The following DENND2B variants were observed in gnomAD, a reference collection of about 807,000 sequenced individuals.
The protein encoded by DENND2B is DENN domain containing 2B.
Under a neutral mutation model 116.0 loss-of-function variants are expected in DENND2B, and 32 were observed. The ratio of observed to expected loss-of-function variants is 0.28; its 90% CI spans 0.21 to 0.37. The LOEUF is 0.37. Among genes scored for constraint, DENND2B ranks in the 10% least tolerant of loss-of-function variants. DENND2B has a pLI of 1.00. For synonymous variants in DENND2B, 588 were observed against 583.9 expected (o/e 1.01, Z -0.10); for missense variants, 1,276 against 1,477.7 (o/e 0.86, Z 2.24).
At chr11:8,793,822 A>G (rs1012767220) in intron 1 of DENND2B, among the ~76,000 whole-genome samples, 3 of 152,148 alleles carry the variant, frequency 2.0e-5, no homozygotes, top group African/African-American at 7.2e-5. Context: ...TCCCACTAAC[A>G]ATGTATGAGG....
chr11:8,779,833 G>A lies in DENND2B; in HGVS notation c.-25-29108C>T, dbSNP rs540866732. ...CCCGGCCAAGGTTTCCATTTTCTGT[G>A]CTACTCCAAAATCCTCTCCCTTGCA... On this transcript the variant is annotated intron_variant, in intron 1 of 19. Coordinates refer to ENST00000313726, the MANE Select transcript of DENND2B (RefSeq NM_213618.2). Among the ~76,000 whole-genome samples the A allele has an allele frequency of 6.6e-5, 10 of 152,198 alleles. No homozygotes were observed. In the South Asian group the frequency reaches 1.9e-3, roughly 28 times the overall value.
At chr11:8,718,184 A>G in intron 4 of DENND2B, 2 of 624,322 alleles carry the variant, frequency 3.2e-6, no homozygotes, top group South Asian at 1.5e-5. Context: ...AGACTGGCTC[A>G]GCCACCCCTG....
intron 2 of DENND2B, among the ~76,000 whole-genome samples, chr11:8,861,361 G>C (rs561056523): frequency 6.6e-6 from 1 of 151,882 alleles, no homozygotes; most frequent in African/African-American, 2.4e-5. Flanking sequence ...ATCAAAAACC[G>C]AGCAAATGAT....
intron 1 of DENND2B, among the ~76,000 whole-genome samples, chr11:8,789,056 G>T (rs192677951): frequency 6.6e-6 from 1 of 152,248 alleles, no homozygotes; most frequent in East Asian, 1.9e-4. Flanking sequence ...CCTAAAAATT[G>T]CTAGTCAGAT....
chr11:8,871,770 G>A (rs565040071), upstream of DENND2B, among the ~76,000 whole-genome samples: 9 of 152,266 alleles, frequency 5.9e-5, no homozygotes, highest in African/African-American at 1.9e-4. Flanking sequence ...AGAAAAGGGT[G>A]CCATTTAATA....
chr11:8,877,784 G>A (rs74673822), intron 2 of DENND2B, among the ~76,000 whole-genome samples: 2,215 of 152,138 alleles, frequency 0.015, 55 homozygotes, highest in African/African-American at 0.051. Flanking sequence ...AAAAAATCAC[G>A]ATTGTATCTG....
intron 1 of DENND2B, among the ~76,000 whole-genome samples, chr11:8,803,833 A>G (rs997309143): frequency 1.3e-5 from 2 of 152,220 alleles, no homozygotes; most frequent in African/African-American, 4.8e-5. Flanking sequence ...TGCAAAGCCT[A>G]TTCTATGCTC....
chr11:8,832,339 C>G (rs372513387), intron 4 of DENND2B, among the ~76,000 whole-genome samples: 3 of 151,818 alleles, frequency 2.0e-5, no homozygotes, highest in East Asian at 3.9e-4. Context: ...GTAGTCCCAG[C>G]TACTCGGGAG....
At chr11:8,803,255 C>A (rs1340449044) in intron 1 of DENND2B, among the ~76,000 whole-genome samples, 1 of 152,054 alleles carries the variant, frequency 6.6e-6, no homozygotes, top group Admixed American at 6.6e-5. Context: ...TGTGGTGGCG[C>A]ACATCTGTAA....
chr11:8,775,288 T>C (rs1202938750), intron 1 of DENND2B, among the ~76,000 whole-genome samples: 1 of 151,910 alleles, frequency 6.6e-6, no homozygotes, highest in African/African-American at 2.4e-5. Flanking sequence ...CTCACAAGAA[T>C]GTCAAATACT....
chr11:8,839,496 G>A (rs1252246821), intron 3 of DENND2B: 6 of 152,302 alleles, frequency 3.9e-5, no homozygotes, highest in African/African-American at 1.2e-4. Flanking sequence ...AGAAAGGTGG[G>A]CGGGGAGTTC....
chr11:8,904,317 A>G (rs964706672), intron 1 of DENND2B, among the ~76,000 whole-genome samples: 4 of 152,216 alleles, frequency 2.6e-5, no homozygotes, highest in African/African-American at 9.6e-5. Flanking sequence ...CGTCTGAAAA[A>G]CTTCAAAAAT....
rs777880577 is a variant in DENND2B at position 8,838,130 on chromosome 11, T to C, written c.-115+1180A>G. ...AAAGTGACTACATATATTACTTTTA[T>C]CTGTTTGGAGTCATCTGAGTTCCCT... On this transcript the variant is annotated intron_variant, in intron 4 of 6. Coordinates refer to the DENND2B transcript ENST00000524757. Among the ~76,000 whole-genome samples, 40 of 152,352 alleles carry C rather than the reference T, an allele frequency of 2.6e-4. 1 individual carries two copies. Among genetic ancestry groups the C allele is most frequent in the Middle Eastern group, 3.4e-3 (1 of 294 alleles).
intron 4 of DENND2B, chr11:8,832,610 T>G (rs1000088590): frequency 6.6e-6 from 1 of 152,316 alleles, no homozygotes; most frequent in Non-Finnish European, 1.5e-5. Flanking sequence ...CACAGAGGCA[T>G]GAGGCAGCCA....
In DENND2B at chr11:8,862,757, G is replaced by C. The variant is rs2742546; in HGVS notation, c.-249-5321C>G. Among the ~76,000 whole-genome samples the C allele has an allele frequency of 1.4e-3, 217 of 152,182 alleles. 1 individual carries two copies. The highest frequency in any genetic ancestry group is 4.9e-3 in the African/African-American group (205 of 41,490). On this transcript the variant is annotated intron_variant, in intron 2 of 6. Coordinates refer to the DENND2B transcript ENST00000524757. The stretch of plus-strand genomic sequence containing the variant: ...GTGATAAGCCGCAGAAAATAACGCT[G>C]ACCCACCAGGACCACAGCTCTTGAT...
rs138171833 is a variant in DENND2B at position 8,803,529 on chromosome 11, A to G, written c.-26+6988T>C. Among the ~76,000 whole-genome samples, 71 of 152,356 alleles carry G rather than the reference A, an allele frequency of 4.7e-4. No individual in the cohort carries two copies. The East Asian group carries it at 0.014, about 29-fold the overall frequency. The stretch of plus-strand genomic sequence containing the variant: ...AGAGACAGAACCAGAACTAACATCC[A>G]GACCTGCTGACTACCTGGCTGGGAC... On this transcript the variant is annotated intron_variant, in intron 1 of 19. Coordinates refer to ENST00000313726, the MANE Select transcript of DENND2B (RefSeq NM_213618.2).
chr11:8,874,607 A>G (rs569821456), upstream of DENND2B, among the ~76,000 whole-genome samples: 1 of 152,232 alleles, frequency 6.6e-6, no homozygotes, highest in African/African-American at 2.4e-5. Context: ...TCTGCCTGTA[A>G]TATTATATGT....
At chr11:8,840,543 TTGTC>T (rs1215834404) in intron 3 of DENND2B, among the ~76,000 whole-genome samples, 2 of 152,170 alleles carry the variant, frequency 1.3e-5, no homozygotes, top group African/African-American at 4.8e-5. Context: ...AATGGGGCCT[TTGTC>T]TGTGCCTTCT....
intron 4 of DENND2B, among the ~76,000 whole-genome samples, chr11:8,720,080 T>C (rs1353146753): frequency 6.6e-6 from 1 of 151,896 alleles, no homozygotes; most frequent in Non-Finnish European, 1.5e-5. Flanking sequence ...TGCCAGATGC[T>C]CTCTGGGACG....
Sources: gnomAD v4.1 joint callset for allele counts (sites outside exome capture counted in the v4.1 genomes callset) on GRCh38, gnomAD v4.1.1 for gene constraint, MANE v1.5 for transcripts, NCBI Gene and HGNC (gene_info 2026-07-23, HGNC 2026-07-21) for gene names.